Variants in SCARB1 observed in about 807,000 individuals in gnomAD.
SCARB1 encodes CD36 and LIMPII analogous 1.
Under a neutral mutation model 57.2 loss-of-function variants are expected in SCARB1, and 30 were observed. The ratio of observed to expected loss-of-function variants is 0.52; its 90% CI spans 0.39 to 0.71. The LOEUF (loss-of-function observed/expected upper bound fraction) is 0.71. Among genes scored for constraint, SCARB1 ranks in the 30% least tolerant of loss-of-function variants. The pLI is 0.00. For synonymous variants in SCARB1, 249 were observed against 268.3 expected (o/e 0.93, Z 0.70); for missense variants, 543 against 671.2 (o/e 0.81, Z 2.11).
rs1451373939 is a variant in SCARB1, at chr12:124,817,563, GC to G, written c.270del (p.Tyr92ThrfsTer55). ...KGEKPQVRER[G>X]PYVYREFRHK... Reference sequence around the variant, plus strand: ...ACACAGCCTCACCTGTACACGTAGGGCCCGCGCTCCCGCACCTGCGGCTTCT... The same window carrying G: ...ACACAGCCTCACCTGTACACGTAGGGCCGCGCTCCCGCACCTGCGGCTTCT... On this transcript the variant is annotated frameshift_variant, in exon 2 of 13. Coordinates refer to ENST00000261693, the MANE Select transcript of SCARB1 (RefSeq NM_005505.5). LOFTEE classifies it high-confidence loss of function. This position sits in a 1 kb window ranked among gnomAD's most constrained non-coding sequence, Gnocchi z 4.8. 1 of 1,613,984 alleles carries G rather than the reference GC, an allele frequency of 6.2e-7. No individual in the cohort carries two copies. The highest frequency in any genetic ancestry group is 1.7e-5 in the Admixed American group (1 of 60,016).
At chr12:124,844,664 A>G (rs1952066595) in intron 1 of SCARB1, among the ~76,000 whole-genome samples, 1 of 152,080 alleles carries the variant, frequency 6.6e-6, no homozygotes, top group African/African-American at 2.4e-5. Flanking sequence ...GCACACAGGG[A>G]GAAGGTGGCG....
chr12:124,853,861 C>T (rs537157360), intron 1 of SCARB1, among the ~76,000 whole-genome samples: 13 of 152,294 alleles, frequency 8.5e-5, no homozygotes, highest in Middle Eastern at 3.4e-3. Flanking sequence ...GAGGAGTAGG[C>T]CCCATTGCCC....
chr12:124,779,730 A>G (rs1873072247), intron 12 of SCARB1, among the ~76,000 whole-genome samples: 1 of 152,024 alleles, frequency 6.6e-6, no homozygotes, highest in Non-Finnish European at 1.5e-5. Flanking sequence ...CCTGAGCAAC[A>G]GAGGCCTCCC....
Position 124,852,537 on chromosome 12 carries a change from G to A in SCARB1, c.126+11058C>T, listed in dbSNP as rs114517418. 8.9e-3 allele frequency among the ~76,000 whole-genome samples: 1,354 copies of A among 152,356 alleles called. 18 individuals carry two copies. Among genetic ancestry groups the A allele is most frequent in the African/African-American group, 0.03 (1,268 of 41,584 alleles). On this transcript the variant is annotated intron_variant, in intron 1 of 12. Coordinates refer to ENST00000261693, the MANE Select transcript of SCARB1 (RefSeq NM_005505.5). ...CAGGGAGTCTGGTTCCAAAGTCCAC[G>A]CTGCGGAGGACCCCCACTGGGGCCT... is the stretch of plus-strand genomic sequence containing the variant.
chr12:124,785,819 T>A, intron 11 of SCARB1: 1 of 488,038 alleles, frequency 2.0e-6, no homozygotes, highest in Non-Finnish European at 3.6e-6. Context: ...AAGTGGCTAT[T>A]AGAAAATTTA....
rs1950501306 is a variant in SCARB1 at position 124,810,927 on chromosome 12, C to T, written c.727-638G>A. On this transcript the variant is annotated intron_variant, in intron 5 of 12. Coordinates refer to ENST00000261693, the MANE Select transcript of SCARB1 (RefSeq NM_005505.5). The surrounding 1 kb of genome is among the most constrained non-coding windows in gnomAD (Gnocchi z 4.0). Reference sequence around the variant, plus strand: ...ATGGTGATTTTTGCCACTCTGGGCACCGGTTGGGGTACGATTTGTCCCTAG... The same window carrying T: ...ATGGTGATTTTTGCCACTCTGGGCATCGGTTGGGGTACGATTTGTCCCTAG... Among the ~76,000 whole-genome samples the T allele has an allele frequency of 6.6e-6, 1 of 152,182 alleles. No homozygotes were observed. Among genetic ancestry groups the T allele is most frequent in the Non-Finnish European group, 1.5e-5 (1 of 68,026 alleles).
intron 4 of SCARB1, among the ~76,000 whole-genome samples, chr12:124,813,217 C>A (rs11057822): frequency 6.6e-6 from 1 of 152,154 alleles, no homozygotes; most frequent in Non-Finnish European, 1.5e-5. Context: ...TTTTCTTCCT[C>A]CCTAAGAGGG....
rs1872706292 is a variant in SCARB1, at chr12:124,778,346, C to T, written c.*241G>A. The T allele has an allele frequency of 2.0e-6, 2 of 1,022,006 alleles. No individual in the cohort carries two copies. The highest frequency in any genetic ancestry group is 4.3e-5 in the Admixed American group (1 of 23,442). The allele number at this position is 1,022,006 out of a possible 1,614,324, so 63.3% of individuals were successfully genotyped here. A position where few individuals can be genotyped will look rare whatever the true frequency, so the allele number is the denominator to read the frequency against. ...GAACAGTGCTTGTTGACGAGCCTCT[C>T]CCTACAAGTCCCTTCAGCAGCAGCT... On this transcript the variant is annotated 3_prime_UTR_variant, in exon 13 of 13. Transcript: ENST00000261693.
chr12:124,828,747 G>C (rs960285931), intron 1 of SCARB1, among the ~76,000 whole-genome samples: 4 of 152,186 alleles, frequency 2.6e-5, no homozygotes, highest in Non-Finnish European at 4.4e-5. Context: ...CTCCTTGCAC[G>C]GGAGCTTCAC....
rs139835947 is a variant in SCARB1, at chr12:124,800,568, G to A, written c.1010-326C>T. 1.3e-5 allele frequency among the ~76,000 whole-genome samples: 2 copies of A among 152,326 alleles called. No individual in the cohort carries two copies. Among genetic ancestry groups the A allele is most frequent in the East Asian group, 3.9e-4 (2 of 5,186 alleles). ...TGGAAGGGAAGGCAGAAGCAAGCGT[G>A]GGGAGGGGGAAATGCATGGTGCACA... is the stretch of plus-strand genomic sequence containing the variant. On this transcript the variant is annotated intron_variant, in intron 7 of 12. Transcript: ENST00000261693. The surrounding 1 kb of genome is among the most constrained non-coding windows in gnomAD (Gnocchi z 4.8).
intron 1 of SCARB1, among the ~76,000 whole-genome samples, chr12:124,825,486 C>G (rs1199695055): frequency 1.3e-5 from 2 of 152,090 alleles, no homozygotes; most frequent in Non-Finnish European, 2.9e-5. Context: ...GCCGGGCCAA[C>G]ATGGTGCAAC....
intron 1 of SCARB1, among the ~76,000 whole-genome samples, chr12:124,855,765 G>C (rs1952597814): frequency 6.6e-6 from 1 of 152,164 alleles, no homozygotes; most frequent in Non-Finnish European, 1.5e-5. Flanking sequence ...TTCAGCCTTG[G>C]GGGGTGTGGC....
At chr12:124,816,674 G>GGT (rs1462041064) in intron 2 of SCARB1, among the ~76,000 whole-genome samples, 10 of 152,082 alleles carry the variant, frequency 6.6e-5, no homozygotes, top group Non-Finnish European at 1.5e-4. Context: ...GGGAAGTGGG[G>GGT]GTGTGGAGGA....
chr12:124,807,867 G>A lies in SCARB1; in HGVS notation c.903C>T (p.Phe301=), dbSNP rs5892. The change falls in exon 7 of 13, where the codon TTC becomes TTT. Residue 301 remains phenylalanine, a synonymous_variant. Coordinates refer to ENST00000261693, the MANE Select transcript of SCARB1 (RefSeq NM_005505.5). This position sits in a 1 kb window ranked among gnomAD's most constrained non-coding sequence, Gnocchi z 5.3. ...GVFEGIPTYR[F]VAPKTLFANG... ...TGGCAAACAGGGTTTTGGGAGCCAC[G>A]AAGCGATAGGTGGGGATGCCTTCAA... is the stretch of plus-strand genomic sequence containing the variant. The A allele has an allele frequency of 0.012, 19,749 of 1,614,072 alleles. 414 individuals carry two copies. Among genetic ancestry groups the A allele is most frequent in the African/African-American group, 0.073 (5,487 of 75,024 alleles).
chr12:124,814,946 G>T lies in SCARB1; in HGVS notation c.426+27C>A, dbSNP rs1950647360. 2 of 1,613,952 alleles carry T rather than the reference G, an allele frequency of 1.2e-6. No individual in the cohort carries two copies. The highest frequency in any genetic ancestry group is 1.7e-6 in the Non-Finnish European group (2 of 1,179,966). On this transcript the variant is annotated intron_variant, in intron 3 of 12. Transcript: ENST00000261693. This position sits in a 1 kb window ranked among gnomAD's most constrained non-coding sequence, Gnocchi z 4.7. Reference sequence around the variant, plus strand: ...ACAGGGGACGAGGTCAGGGTGCGAGGCGGCGTGGGCCACAGGGCAGCCTCA... The same window carrying T: ...ACAGGGGACGAGGTCAGGGTGCGAGTCGGCGTGGGCCACAGGGCAGCCTCA...
In SCARB1 at chr12:124,778,338, G is replaced by A. The variant is rs1174545715; in HGVS notation, c.*249C>T. 17 of 955,618 alleles carry A rather than the reference G, an allele frequency of 1.8e-5. No homozygotes were observed. Among genetic ancestry groups the A allele is most frequent in the Middle Eastern group, 2.8e-4 (1 of 3,602 alleles). The allele number at this position is 955,618 out of a possible 1,614,324, so 59.2% of individuals were successfully genotyped here. On this transcript the variant is annotated 3_prime_UTR_variant, in exon 13 of 13. Coordinates refer to ENST00000261693, the MANE Select transcript of SCARB1 (RefSeq NM_005505.5). ...AGGTTCCAGAACAGTGCTTGTTGAC[G>A]AGCCTCTCCCTACAAGTCCCTTCAG... is the stretch of plus-strand genomic sequence containing the variant.
rs780967871 is a variant in SCARB1 at position 124,786,219 on chromosome 12, A to G, written c.1401+138T>C. On this transcript the variant is annotated intron_variant, in intron 11 of 12. Transcript: ENST00000261693. ...GCAGCCCCCAGCAGTGACCGCTCCCACTCCGGCAGAGACGCAGGACTGCTG... is the reference window on the plus strand; with the variant it reads ...GCAGCCCCCAGCAGTGACCGCTCCCGCTCCGGCAGAGACGCAGGACTGCTG... The G allele has an allele frequency of 3.1e-6, 5 of 1,597,776 alleles. No homozygotes were observed. The African/African-American group carries it at 6.7e-5, about 21-fold the overall frequency.
chr12:124,856,746 C>G lies in SCARB1; in HGVS notation c.126+6849G>C, dbSNP rs548622493. Among the ~76,000 whole-genome samples the G allele has an allele frequency of 9.8e-5, 15 of 152,328 alleles. No individual in the cohort carries two copies. In the South Asian group the frequency reaches 2.7e-3, roughly 27 times the overall value. On this transcript the variant is annotated intron_variant, in intron 1 of 12. Transcript: ENST00000261693. ...AGGTGGAGACACTGGGCCTCCCCCC[C>G]AGGTTCCGCAGGGGGGCTGATAAAG...
At chr12:124,862,126 A>T (rs1175304156) in intron 1 of SCARB1, among the ~76,000 whole-genome samples, 1 of 152,152 alleles carries the variant, frequency 6.6e-6, no homozygotes, top group Non-Finnish European at 1.5e-5. Context: ...CAGCAGCCAC[A>T]AGGCTGTCAC....
Sources: gnomAD v4.1 joint callset for allele counts (sites outside exome capture counted in the v4.1 genomes callset) on GRCh38, gnomAD v4.1.1 for gene constraint, Gnocchi (gnomAD v3.1) non-coding constraint, MANE v1.5 for transcripts, NCBI Gene and HGNC (gene_info 2026-07-23, HGNC 2026-07-21) for gene names.